The following FER1L6 variants were observed in gnomAD, a reference collection of about 807,000 sequenced individuals.
The protein encoded by FER1L6 is fer-1-like protein 6.
A neutral mutation model predicts 219.2 loss-of-function variants in FER1L6; 177 were observed. The observed-to-expected ratio is 0.81, with a 90% CI of 0.71 to 0.91. The LOEUF (loss-of-function observed/expected upper bound fraction) is 0.91. FER1L6 is among the 40% of genes least tolerant of loss of function. The probability of loss-of-function intolerance (pLI) is 0.00; values close to 1 mark genes in which losing one functional copy is unlikely to be tolerated. For missense variants in FER1L6, 2,153 were observed against 2,259.9 expected (o/e 0.95, Z 0.96); for synonymous variants, 768 against 824.3 (o/e 0.93, Z 1.17).
At chr8:124,093,169 C>A (rs939015555) in intron 34 of FER1L6, among the ~76,000 whole-genome samples, 1 of 151,936 alleles carries the variant, frequency 6.6e-6, no homozygotes. Context: ...AAGTCTATCA[C>A]GAGAACAGCA....
rs7836974 is a variant in FER1L6, at chr8:124,070,344, G to T, written c.3835-123G>T. The T allele has an allele frequency of 3.0e-6, 3 of 1,002,736 alleles. No individual in the cohort carries two copies. In the African/African-American group the frequency reaches 5.0e-5, roughly 17 times the overall value. 62.1% of individuals were successfully genotyped at this position (1,002,736 alleles called of 1,614,324 possible). A position where few individuals can be genotyped will look rare whatever the true frequency, so the allele number is the denominator to read the frequency against. ...TTATCTCACTGAAGATAAATTACCA[G>T]TGGCCTCAGATTTTCCCAAGGGGCA... On this transcript the variant is annotated intron_variant, in intron 29 of 40. Coordinates refer to ENST00000522917, the MANE Select transcript of FER1L6 (RefSeq NM_001039112.2).
chr8:124,049,113 T>C (rs138768434), intron 21 of FER1L6, among the ~76,000 whole-genome samples: 33 of 152,090 alleles, frequency 2.2e-4, no homozygotes, highest in Admixed American at 3.3e-4. Flanking sequence ...AGTGGTGCGA[T>C]CTCGGCTTAC....
At position 124,073,249 on chromosome 8, in the gene FER1L6, A is replaced by G. The variant is rs539843586; in HGVS notation, c.4092+1618A>G. On this transcript the variant is annotated intron_variant, in intron 31 of 40. Coordinates refer to ENST00000522917, the MANE Select transcript of FER1L6 (RefSeq NM_001039112.2). ...ACTGCACACCTTTTATGTGTTTACT[A>G]TCTTCTAGGCAAAGGCCAGATAAAC... Among the ~76,000 whole-genome samples the G allele has an allele frequency of 3.3e-5, 5 of 152,294 alleles. No homozygotes were observed. The South Asian group carries it at 1.0e-3, about 32-fold the overall frequency.
rs997809659 is a variant in FER1L6, at chr8:123,975,267, C to G, written c.644C>G (p.Thr215Ser). 1.5e-5 allele frequency: 24 copies of G among 1,612,910 alleles called. No homozygotes were observed. The highest frequency in any genetic ancestry group is 2.0e-5 in the Non-Finnish European group (24 of 1,179,406). The change falls in exon 8 of 41, where the codon ACC (threonine) becomes AGC (serine). Residue 215 changes from threonine to serine, a missense_variant. Transcript: ENST00000522917. Reference protein sequence around the residue: ...SVMGKGDVLKTSPKTSDTEEP... With the variant: ...SVMGKGDVLKSSPKTSDTEEP... ...ATGGGAAAAGGTGATGTCTTGAAGA[C>G]CAGCCCTAAAACTTCTGACACCGAG...
intron 13 of FER1L6, among the ~76,000 whole-genome samples, chr8:124,009,224 A>T (rs1187797756): frequency 6.6e-6 from 1 of 152,196 alleles, no homozygotes; most frequent in Non-Finnish European, 1.5e-5. Context: ...CTCCTTCTGC[A>T]CTCCAGCCTG....
At chr8:124,085,091 A>G (rs2130923388) in intron 33 of FER1L6, among the ~76,000 whole-genome samples, 1 of 152,246 alleles carries the variant, frequency 6.6e-6, no homozygotes, top group African/African-American at 2.4e-5. Flanking sequence ...GTAGCCTCTA[A>G]TAATCATTTG....
intron 3 of FER1L6, among the ~76,000 whole-genome samples, 178 bp from the exon 4 acceptor site, chr8:123,965,829 G>A (rs2130211976): frequency 6.6e-6 from 1 of 152,134 alleles, no homozygotes; most frequent in South Asian, 2.1e-4. Context: ...TCCATTTTTA[G>A]GATGAGAAAA....
At chr8:124,004,549 C>G (rs1817573075) in intron 13 of FER1L6, among the ~76,000 whole-genome samples, 1 of 152,080 alleles carries the variant, frequency 6.6e-6, no homozygotes, top group South Asian at 2.1e-4. Flanking sequence ...TCCTAGACAG[C>G]CCTCTTTCCT....
intron 12 of FER1L6, among the ~76,000 whole-genome samples, chr8:123,992,818 A>G (rs1816925629): frequency 6.6e-6 from 1 of 152,104 alleles, no homozygotes; most frequent in Admixed American, 6.6e-5. Flanking sequence ...TTTGTGATCT[A>G]TCAGACTTTT....
chr8:124,045,676 T>C (rs1214805207), intron 20 of FER1L6, 91 bp from the exon 21 acceptor site: 19 of 1,376,612 alleles, frequency 1.4e-5, no homozygotes, highest in African/African-American at 2.9e-5. Flanking sequence ...ATGTGTTCTC[T>C]TTCCCCTGTA....
chr8:124,011,061 G>C (rs1817897781), intron 14 of FER1L6, among the ~76,000 whole-genome samples: 1 of 152,100 alleles, frequency 6.6e-6, no homozygotes, highest in Non-Finnish European at 1.5e-5. Flanking sequence ...AAAATCCTAA[G>C]TCCCTGGCAT....
In FER1L6 at chr8:124,015,662, G is replaced by C. The variant is rs1268717687; in HGVS notation, c.1923-1966G>C. On this transcript the variant is annotated intron_variant, in intron 15 of 40. Transcript: ENST00000522917. ...TAGTGCCACCTGCAATTCCCTTTAA[G>C]CATTTTTAAAAGCTTCACAATCCAC... Among the ~76,000 whole-genome samples the C allele has an allele frequency of 3.1e-5, 4 of 130,322 alleles. No homozygotes were observed. In the East Asian group the frequency reaches 9.4e-4, roughly 30 times the overall value. The allele number at this position is 130,322 out of a possible 152,430, so 85.5% of individuals were successfully genotyped here. A position where few individuals can be genotyped will look rare whatever the true frequency, so the allele number is the denominator to read the frequency against.
chr8:123,859,466 A>G (rs1412886434), intron 1 of FER1L6, among the ~76,000 whole-genome samples: 1 of 151,370 alleles, frequency 6.6e-6, no homozygotes, highest in African/African-American at 2.4e-5. Context: ...AACTTTCTAC[A>G]CTATGATCCA....
At chr8:123,895,726 GGCT>G in intron 1 of FER1L6, among the ~76,000 whole-genome samples, 1 of 152,304 alleles carries the variant, frequency 6.6e-6, no homozygotes, top group East Asian at 1.9e-4. Flanking sequence ...TGCTGAAAGT[GGCT>G]GAAGACAGAG....
chr8:123,968,024 G>GATA (rs749995620), intron 5 of FER1L6, among the ~76,000 whole-genome samples: 24 of 152,016 alleles, frequency 1.6e-4, no homozygotes, highest in Non-Finnish European at 4.4e-5. Context: ...GGAGAGCATG[G>GATA]ATAATGAAAT....
intron 1 of FER1L6, among the ~76,000 whole-genome samples, chr8:123,952,995 A>C (rs940586179): frequency 6.6e-6 from 1 of 152,188 alleles, no homozygotes; most frequent in Non-Finnish European, 1.5e-5. Flanking sequence ...ATCCAACCCC[A>C]AATTCTAGAG....
chr8:124,041,085 AT>A (rs1819466927), intron 20 of FER1L6, among the ~76,000 whole-genome samples: 1 of 152,210 alleles, frequency 6.6e-6, no homozygotes, highest in Admixed American at 6.5e-5. Flanking sequence ...TTAAACATTT[AT>A]TCTGTTCTCT....
At chr8:123,891,246 A>G (rs1389588673) in intron 1 of FER1L6, among the ~76,000 whole-genome samples, 1 of 152,206 alleles carries the variant, frequency 6.6e-6, no homozygotes, top group East Asian at 1.9e-4. Flanking sequence ...ATCAATTGTC[A>G]GTACTGTATC....
At chr8:123,958,912 G>A (rs1053875488) in intron 2 of FER1L6, among the ~76,000 whole-genome samples, 15 of 151,604 alleles carry the variant, frequency 9.9e-5, no homozygotes, top group African/African-American at 2.2e-4. Context: ...GAGATTCGAC[G>A]GAACTGAAAG....
Sources: gnomAD v4.1 joint callset for allele counts (sites outside exome capture counted in the v4.1 genomes callset) on GRCh38, gnomAD v4.1.1 for gene constraint, MANE v1.5 for transcripts, NCBI Gene and HGNC (gene_info 2026-07-23, HGNC 2026-07-21) for gene names.